CDYL2: variants seen among roughly 807,000 people sequenced by gnomAD.
CDYL2 encodes chromodomain Y-like protein 2.
CDYL2 carries 23 observed loss-of-function variants against 49.4 expected under a neutral mutation model. The observed-to-expected ratio is 0.47, with a 90% CI of 0.34 to 0.66. The LOEUF is 0.66. Among genes scored for constraint, CDYL2 ranks in the 30% least tolerant of loss-of-function variants. The probability of loss-of-function intolerance (pLI) is 0.01; values close to 1 mark genes in which losing one functional copy is unlikely to be tolerated. For missense variants in CDYL2, 678 were observed against 656.4 expected, an observed-to-expected ratio of 1.03 and a Z score of -0.36; for synonymous variants, 360 against 268.8, an observed-to-expected ratio of 1.34 and a Z score of -3.32.
chr16:80,773,489 C>T (rs918190272), intron 1 of CDYL2, among the ~76,000 whole-genome samples: 1 of 152,026 alleles, frequency 6.6e-6, no homozygotes, highest in Admixed American at 6.6e-5. Context: ...TAATCTTGAC[C>T]TAAAACACAC....
intron 4 of CDYL2, among the ~76,000 whole-genome samples, chr16:80,616,218 C>T (rs1235783936): frequency 6.6e-6 from 1 of 152,204 alleles, no homozygotes; most frequent in African/African-American, 2.4e-5. Flanking sequence ...TCTGGAGCCT[C>T]ACTTTCTCCC....
chr16:80,658,013 T>C (rs1908882618), intron 2 of CDYL2, among the ~76,000 whole-genome samples: 2 of 150,550 alleles, frequency 1.3e-5, no homozygotes, highest in African/African-American at 4.9e-5. Flanking sequence ...TTACACAGTA[T>C]ACATTCCAAT....
chr16:80,744,271 C>G (rs1812167441), intron 1 of CDYL2, among the ~76,000 whole-genome samples: 1 of 152,126 alleles, frequency 6.6e-6, no homozygotes, highest in Admixed American at 6.5e-5. Context: ...ACATCCTGCT[C>G]CCTAGGCCTG....
intron 2 of CDYL2, among the ~76,000 whole-genome samples, chr16:80,669,590 G>A (rs574012155): frequency 1.2e-4 from 18 of 152,224 alleles, no homozygotes; most frequent in African/African-American, 3.6e-4. Flanking sequence ...TCCCTCAGCC[G>A]GGGGATGCCA....
intron 1 of CDYL2, among the ~76,000 whole-genome samples, chr16:80,731,486 A>C (rs1597104550): frequency 6.6e-6 from 1 of 152,304 alleles, no homozygotes; most frequent in East Asian, 1.9e-4. Context: ...TCCAGATTCA[A>C]AGAGCCCACC....
At chr16:80,662,389 A>G (rs2142436992) in intron 2 of CDYL2, among the ~76,000 whole-genome samples, 1 of 152,280 alleles carries the variant, frequency 6.6e-6, no homozygotes, top group Middle Eastern at 3.4e-3. Context: ...CCCACTTGCT[A>G]AAAGTCCCCT....
At chr16:80,704,303 C>A (rs1322154715) in intron 1 of CDYL2, among the ~76,000 whole-genome samples, 2 of 152,220 alleles carry the variant, frequency 1.3e-5, no homozygotes, top group Non-Finnish European at 2.9e-5. Context: ...AAATACAACA[C>A]TCCAGGCAGC....
chr16:80,795,166 T>C (rs1907732786), intron 1 of CDYL2, among the ~76,000 whole-genome samples: 1 of 152,098 alleles, frequency 6.6e-6, no homozygotes, highest in Admixed American at 6.5e-5. Flanking sequence ...GATCAAGAAT[T>C]TGAGGGGAGG....
chr16:80,631,969 A>G (rs888157338), intron 3 of CDYL2, among the ~76,000 whole-genome samples: 1 of 152,230 alleles, frequency 6.6e-6, no homozygotes, highest in African/African-American at 2.4e-5. Flanking sequence ...CCACTGTGGA[A>G]AACAGTTTTT....
chr16:80,804,785 G>C (rs1908051270), upstream of CDYL2, among the ~76,000 whole-genome samples: 2 of 144,770 alleles, frequency 1.4e-5, no homozygotes, highest in African/African-American at 2.5e-5. Context: ...GGTGCCCGCC[G>C]GGTGCGCCCG....
At chr16:80,716,346 G>A (rs1386402961) in intron 1 of CDYL2, among the ~76,000 whole-genome samples, 2 of 152,176 alleles carry the variant, frequency 1.3e-5, no homozygotes, top group Non-Finnish European at 2.9e-5. Flanking sequence ...CACACTATAT[G>A]CCAAGACTTA....
At chr16:80,610,157 G>A (rs1906530421) in intron 5 of CDYL2, among the ~76,000 whole-genome samples, 1 of 152,184 alleles carries the variant, frequency 6.6e-6, no homozygotes, top group South Asian at 2.1e-4. Flanking sequence ...ATGCTTATCA[G>A]CCTCACTATT....
chr16:80,737,483 C>G (rs1329943660), intron 1 of CDYL2, among the ~76,000 whole-genome samples: 1 of 152,214 alleles, frequency 6.6e-6, no homozygotes, highest in East Asian at 1.9e-4. Flanking sequence ...AGCGTGAGCT[C>G]TTCAGCCACT....
intron 3 of CDYL2, among the ~76,000 whole-genome samples, chr16:80,627,035 T>C (rs7194867): frequency 0.11 from 16,912 of 152,152 alleles, 2,992 homozygotes; most frequent in African/African-American, 0.38. Flanking sequence ...TACTGTTGGA[T>C]GATTTTTTTT....
At chr16:80,735,681 G>T (rs1905497017) in intron 1 of CDYL2, among the ~76,000 whole-genome samples, 1 of 152,176 alleles carries the variant, frequency 6.6e-6, no homozygotes, top group African/African-American at 2.4e-5. Flanking sequence ...GGGAAGTTTT[G>T]TGCATAGACC....
intron 1 of CDYL2, among the ~76,000 whole-genome samples, chr16:80,763,681 G>A (rs1195143296): frequency 6.6e-6 from 1 of 152,136 alleles, no homozygotes; most frequent in East Asian, 1.9e-4. Context: ...GAGAGGAAGG[G>A]AACATCAAGC....
intron 2 of CDYL2, among the ~76,000 whole-genome samples, chr16:80,677,191 T>C (rs1909785912): frequency 1.3e-5 from 2 of 151,652 alleles, no homozygotes; most frequent in Admixed American, 1.3e-4. Flanking sequence ...AGGCTGGTCT[T>C]GAACTCCTGG....
chr16:80,769,934 G>A (rs1368599716), intron 1 of CDYL2, among the ~76,000 whole-genome samples: 1 of 152,004 alleles, frequency 6.6e-6, no homozygotes, highest in Non-Finnish European at 1.5e-5. Flanking sequence ...AAGAATAAGA[G>A]GACTACACAA....
chr16:80,758,019 A>G (rs910806355), intron 1 of CDYL2, among the ~76,000 whole-genome samples: 3 of 152,204 alleles, frequency 2.0e-5, no homozygotes, highest in African/African-American at 7.2e-5. Flanking sequence ...AAATAAATAA[A>G]TAAAATAAGG....
Sources: gnomAD v4.1 joint callset for allele counts (sites outside exome capture counted in the v4.1 genomes callset) on GRCh38, gnomAD v4.1.1 for gene constraint, MANE v1.5 for transcripts, NCBI Gene and HGNC (gene_info 2026-07-23, HGNC 2026-07-21) for gene names.